HLA-DQA2: variants seen among roughly 807,000 people sequenced by gnomAD.
The protein encoded by HLA-DQA2 is HLA class II histocompatibility antigen, DQ alpha 2 chain.
A neutral mutation model predicts 21.0 loss-of-function variants in HLA-DQA2; 17 were observed. The observed-to-expected ratio is 0.81, with a 90% confidence interval of 0.56 to 1.22. The LOEUF is 1.22. Ranked by LOEUF, HLA-DQA2 falls within the 50% of genes most tolerant of loss-of-function variation. The probability of loss-of-function intolerance (pLI) is 0.00; values close to 1 mark genes in which losing one functional copy is unlikely to be tolerated. For missense variants in HLA-DQA2, 239 were observed against 308.8 expected, an observed-to-expected ratio of 0.77 and a Z score of 1.69; for synonymous variants, 81 against 116.5, an observed-to-expected ratio of 0.70 and a Z score of 1.96.
At position 32,746,329 on chromosome 6, in the gene HLA-DQA2, G is replaced by A. The variant is rs2113874366; in HGVS notation, c.703G>A (p.Gly235Ser). 1.2e-6 allele frequency: 2 copies of A among 1,613,098 alleles called. No homozygotes were observed. The highest frequency in any genetic ancestry group is 2.2e-5 in the East Asian group (1 of 44,892). Reference sequence around the variant, plus strand: ...TGTGGGCCTCATGGGCATTGTGGTGGGCACTGTCTTCATCATCCAAGGCCT... The same window carrying A: ...TGTGGGCCTCATGGGCATTGTGGTGAGCACTGTCTTCATCATCCAAGGCCT... The part of the protein sequence containing the change: ...LSVGLMGIVV[G>S]TVFIIQGLRS... The change falls in exon 4 of 5, where the codon GGC (glycine) becomes AGC (serine). Residue 235 changes from glycine (G) to serine (S), a missense_variant. Physicochemically the swap from Gly to Ser is moderately conservative, Grantham distance 56. Coordinates refer to ENST00000374940, the MANE Select transcript of HLA-DQA2 (RefSeq NM_020056.5).
Position 32,746,234 on chromosome 6 carries a change from T to G in HLA-DQA2, c.614-6T>G, listed in dbSNP as rs539215922. The stretch of plus-strand genomic sequence containing the variant: ...CATTCTGACCTCAACAGCTCCACTT[T>G]CACAGAGCCTGAGATTCCAGCCCCT... On this transcript the variant is annotated splice_polypyrimidine_tract_variant and splice_region_variant and intron_variant, in intron 3 of 4. Coordinates refer to ENST00000374940, the MANE Select transcript of HLA-DQA2 (RefSeq NM_020056.5). The G allele has an allele frequency of 2.5e-6, 4 of 1,603,504 alleles. No homozygotes were observed. In the African/African-American group the frequency reaches 5.4e-5, roughly 22 times the overall value.
intron 1 of HLA-DQA2, among the ~76,000 whole-genome samples, chr6:32,744,932 C>T (rs563409640): frequency 4.6e-5 from 7 of 152,282 alleles, no homozygotes; most frequent in Non-Finnish European, 7.4e-5. Context: ...AGACGTGTGA[C>T]GTTCTGCCTT....
chr6:32,745,294 T>C lies in HLA-DQA2; in HGVS notation c.218T>C (p.Met73Thr), dbSNP rs1414650838. Reference protein sequence around the residue: ...ETKETVWQLPMFSKFISFDPQ... With the variant: ...ETKETVWQLPTFSKFISFDPQ... ...AAAGAGACTGTCTGGCAGTTGCCTA[T>C]GTTTAGCAAATTTATAAGTTTTGAC... Residue 73 changes from methionine (M) to threonine (T), a missense_variant, in exon 2 of 5, where the codon ATG becomes ACG. Physicochemically the swap from Met to Thr is moderately conservative, Grantham distance 81 (BLOSUM62 -1). Transcript: ENST00000374940. 3.1e-6 allele frequency: 5 copies of C among 1,613,588 alleles called. No homozygotes were observed. Among genetic ancestry groups the C allele is most frequent in the Non-Finnish European group, 4.2e-6 (5 of 1,179,884 alleles).
chr6:32,746,207 C>A, intron 3 of HLA-DQA2, 33 bp from the exon 4 acceptor site: 4 of 1,592,102 alleles, frequency 2.5e-6, no homozygotes, highest in African/African-American at 1.4e-5. Flanking sequence ...GAGCACACTG[C>A]ACATTCTGAC....
intron 1 of HLA-DQA2, among the ~76,000 whole-genome samples, chr6:32,741,755 T>C (rs7771968): frequency 0.058 from 8,792 of 152,228 alleles, 708 homozygotes; most frequent in African/African-American, 0.18. Context: ...TTATATTATA[T>C]CCAGAGACTA....
At chr6:32,741,601 T>C in intron 1 of HLA-DQA2, 76 bp downstream of exon 1, 1 of 1,167,940 alleles carries the variant, frequency 8.6e-7, no homozygotes, top group Non-Finnish European at 1.2e-6. Context: ...TGTAATTTGC[T>C]AAGAAATAGT....
At chr6:32,741,657 A>T in intron 1 of HLA-DQA2, 132 bp downstream of exon 1, 11 of 818,628 alleles carry the variant, frequency 1.3e-5, no homozygotes, top group Non-Finnish European at 2.2e-5. Flanking sequence ...TTTTAAAATT[A>T]TGGCAGTTCC....
At position 32,741,454 on chromosome 6, in the gene HLA-DQA2, A is replaced by G. The variant is rs1196966018; in HGVS notation, c.11A>G (p.Asn4Ser). Residue 4 changes from asparagine (N) to serine (S), a missense_variant, in exon 1 of 5, where the codon AAC (asparagine) becomes AGC (serine). By Grantham distance (46) the Asn-to-Ser change is conservative. Coordinates refer to ENST00000374940, the MANE Select transcript of HLA-DQA2 (RefSeq NM_020056.5). ...TGCCTTGGGAAGAAGATGATCCTAA[A>G]CAAAGCTCTGCTGCTGGGGGCCCTC... MILNKALLLGALAL... is the reference protein window; with the variant it reads MILSKALLLGALAL... 3 of 1,613,802 alleles carry G rather than the reference A, an allele frequency of 1.9e-6. No homozygotes were observed. The highest frequency in any genetic ancestry group is 1.7e-4 in the Middle Eastern group (1 of 5,980).
chr6:32,745,441 A>G (rs1763507940), intron 2 of HLA-DQA2, 34 bp downstream of exon 2: 2 of 1,592,752 alleles, frequency 1.3e-6, no homozygotes, highest in African/African-American at 2.8e-5. Flanking sequence ...TCTTTACTGA[A>G]ACTAATCTTT....
At chr6:32,745,729 T>C (rs1763530715) in intron 2 of HLA-DQA2, 62 bp from the exon 3 acceptor site, 38 of 1,608,044 alleles carry the variant, frequency 2.4e-5, no homozygotes, top group Non-Finnish European at 3.1e-5. Context: ...TTCCAGGATG[T>C]AATGCAGAAG....
intron 1 of HLA-DQA2, 88 bp downstream of exon 1, chr6:32,741,613 G>T: frequency 7.9e-7 from 1 of 1,262,412 alleles, no homozygotes. Context: ...AGAAATAGTA[G>T]AAATTTCCCA....
chr6:32,745,648 C>G (rs1311510353), intron 2 of HLA-DQA2, 143 bp from the exon 3 acceptor site: 11 of 1,026,672 alleles, frequency 1.1e-5, no homozygotes, highest in Non-Finnish European at 1.5e-5. Context: ...GGCAATGTGT[C>G]GTTGCTCCCA....
At chr6:32,744,828 C>T (rs113998262) in intron 1 of HLA-DQA2, among the ~76,000 whole-genome samples, 1 of 133,412 alleles carries the variant, frequency 7.5e-6, no homozygotes, top group Non-Finnish European at 1.5e-5. Flanking sequence ...AAACTAAATC[C>T]TATGATAACT....
At chr6:32,741,856 T>G (rs1447374627) in intron 1 of HLA-DQA2, among the ~76,000 whole-genome samples, 2 of 152,218 alleles carry the variant, frequency 1.3e-5, no homozygotes, top group Non-Finnish European at 2.9e-5. Context: ...TATTAAAAAT[T>G]TCTGAACTGT....
Position 32,746,565 on chromosome 6 carries a change from T to A in HLA-DQA2, c.*21-17T>A. ...AGGCCCCTCAGACCCATCGATCTCA[T>A]GTCTGTCCTGTTGCAGGTGCATCAC... On this transcript the variant is annotated splice_polypyrimidine_tract_variant and intron_variant, in intron 4 of 4. Coordinates refer to ENST00000374940, the MANE Select transcript of HLA-DQA2 (RefSeq NM_020056.5). The A allele has an allele frequency of 1.2e-6, 1 of 836,028 alleles. No homozygotes were observed. The allele number at this position is 836,028 out of a possible 1,614,324, so 51.8% of individuals were successfully genotyped here. A position where few individuals can be genotyped will look rare whatever the true frequency, so the allele number is the denominator to read the frequency against.
intron 1 of HLA-DQA2, among the ~76,000 whole-genome samples, chr6:32,744,262 C>A (rs946008431): frequency 2.6e-5 from 4 of 152,194 alleles, no homozygotes; most frequent in Non-Finnish European, 5.9e-5. Context: ...ACAAAAATGT[C>A]CAGTTCGGCT....
rs1214619641 is a variant in HLA-DQA2 at position 32,741,407 on chromosome 6, T to A, written c.-37T>A. 1 of 1,598,934 alleles carries A rather than the reference T, an allele frequency of 6.3e-7. No individual in the cohort carries two copies. ...GAGGTCCTCACAATTGCTCTACAGC[T>A]CAGAGCAGCAACTGCTGAGGCTGCC... On this transcript the variant is annotated 5_prime_UTR_variant, in exon 1 of 5. Transcript: ENST00000374940.
At chr6:32,741,955 C>T (rs7755792) in intron 1 of HLA-DQA2, among the ~76,000 whole-genome samples, 8,793 of 152,012 alleles carry the variant, frequency 0.058, 705 homozygotes, top group African/African-American at 0.18. Context: ...GAAGTATGTA[C>T]ACTCTATAGA....
At chr6:32,745,732 T>C in intron 2 of HLA-DQA2, 59 bp from the exon 3 acceptor site, 1 of 1,607,814 alleles carries the variant, frequency 6.2e-7, no homozygotes, top group Non-Finnish European at 8.5e-7. Context: ...CAGGATGTAA[T>C]GCAGAAGCTC....
Sources: allele counts gnomAD v4.1 joint callset (sites outside exome capture counted in the v4.1 genomes callset), GRCh38; gene constraint gnomAD v4.1.1; transcripts MANE v1.5; gene names NCBI Gene and HGNC (gene_info 2026-07-23, HGNC 2026-07-21).